Variants in PTPRF observed in about 807,000 individuals in gnomAD.
The protein encoded by PTPRF is protein tyrosine phosphatase receptor type F.
PTPRF carries 59 observed loss-of-function variants against 201.8 expected under a neutral mutation model. The observed-to-expected ratio is 0.29, with a 90% CI of 0.24 to 0.36. The LOEUF is 0.36. Among genes scored for constraint, PTPRF ranks in the 10% least tolerant of loss-of-function variants. The pLI, the probability that PTPRF is intolerant of heterozygous loss-of-function variation, is 1.00. For synonymous variants in PTPRF, 1,088 were observed against 1,089.7 expected (o/e 1.00, Z 0.03); for missense variants, 2,132 against 2,690.5 (o/e 0.79, Z 4.59).
chr1:43,559,713 G>T (rs954331581), intron 5 of PTPRF, among the ~76,000 whole-genome samples: 1 of 147,110 alleles, frequency 6.8e-6, no homozygotes, highest in Non-Finnish European at 1.5e-5. Context: ...GGTGGTGTGC[G>T]GCAGGCTGTG....
chr1:43,544,284 C>T (rs1050955822), intron 2 of PTPRF, among the ~76,000 whole-genome samples: 5 of 152,216 alleles, frequency 3.3e-5, no homozygotes, highest in Admixed American at 3.3e-4. Context: ...CCATTCCTGG[C>T]CACTGAGGCC....
At chr1:43,612,720 CT>C in intron 22 of PTPRF, 1 of 1,343,102 alleles carries the variant, frequency 7.4e-7, no homozygotes, top group South Asian at 1.2e-5. Flanking sequence ...GCTTTCTTTT[CT>C]TGCCCCGTTG....
At chr1:43,609,134 T>C (rs559287495) in intron 21 of PTPRF, among the ~76,000 whole-genome samples, 3 of 152,154 alleles carry the variant, frequency 2.0e-5, no homozygotes, top group Non-Finnish European at 4.4e-5. Flanking sequence ...TGCAACCCCT[T>C]CCTCCCTGCT....
rs776880219 is a variant in PTPRF at position 43,604,232 on chromosome 1, A to G, written c.3037+43A>G. 4 of 1,583,214 alleles carry G rather than the reference A, an allele frequency of 2.5e-6. No homozygotes were observed. The Admixed American group carries it at 6.8e-5, about 27-fold the overall frequency. On this transcript the variant is annotated intron_variant, in intron 16 of 33. Coordinates refer to ENST00000359947, the MANE Select transcript of PTPRF (RefSeq NM_002840.5). ...GGCATCCCTTCCCGAGTGTGGCTGC[A>G]TCTGGGGGTCTCTGCTCTCCTTGAG... is the stretch of plus-strand genomic sequence containing the variant.
intron 5 of PTPRF, among the ~76,000 whole-genome samples, chr1:43,560,517 T>C (rs866857329): frequency 5.9e-4 from 90 of 152,178 alleles, no homozygotes; most frequent in African/African-American, 2.1e-3. Context: ...ACAACCTGTG[T>C]GGGCAGCAGC....
Position 43,619,334 on chromosome 1 carries a change from T to G in PTPRF, c.4693T>G (p.Leu1565Val). 1 of 1,613,788 alleles carries G rather than the reference T, an allele frequency of 6.2e-7. No homozygotes were observed. Among genetic ancestry groups the G allele is most frequent in the Non-Finnish European group, 8.5e-7 (1 of 1,179,988 alleles). The change falls in exon 28 of 34, where the codon TTG becomes GTG. Residue 1565 changes from leucine (L) to valine (V), a missense_variant. By Grantham distance (32) the Leu-to-Val change is conservative. This residue lies in a region of PTPRF where 519 missense variants were observed against 659.5 expected (regional missense o/e 0.79). Coordinates refer to ENST00000359947, the MANE Select transcript of PTPRF (RefSeq NM_002840.5). ...TGCFIVIDAMLERMKHEKTVD... is the reference protein window; with the variant it reads ...TGCFIVIDAMVERMKHEKTVD... The stretch of plus-strand genomic sequence containing the variant: ...CTGCTTCATCGTGATTGATGCCATG[T>G]TGGAGCGGATGAAGCACGAGAAGAC...
intron 9 of PTPRF, 25 bp downstream of exon 9, chr1:43,591,578 C>T (rs1485504381): frequency 1.3e-6 from 2 of 1,529,676 alleles, no homozygotes; most frequent in South Asian, 1.2e-5. Context: ...GCCGGCTGGG[C>T]AGCCAACAGC....
chr1:43,569,744 C>T lies in PTPRF; in HGVS notation c.534C>T (p.Ala178=). Residue 178 remains alanine, a synonymous_variant, in exon 6 of 34, where the codon GCC becomes GCT. Coordinates refer to ENST00000359947, the MANE Select transcript of PTPRF (RefSeq NM_002840.5). ...WFKDFLPVDP[A]TSNGRIKQLR... ...AGGACTTCCTTCCTGTAGACCCTGC[C>T]ACGAGCAACGGCCGCATCAAGCAGC... The T allele has an allele frequency of 6.2e-7, 1 of 1,613,170 alleles. No individual in the cohort carries two copies. The highest frequency in any genetic ancestry group is 8.5e-7 in the Non-Finnish European group (1 of 1,179,396).
intron 2 of PTPRF, 90 bp downstream of exon 2, chr1:43,538,367 T>G (rs1644155215): frequency 2.5e-6 from 1 of 398,040 alleles, no homozygotes; most frequent in Admixed American, 4.4e-5. Flanking sequence ...GCAGGGTCAG[T>G]GGAGAGCTAT....
chr1:43,592,694 G>A, intron 11 of PTPRF, 93 bp downstream of exon 11: 7 of 1,381,466 alleles, frequency 5.1e-6, no homozygotes, highest in Non-Finnish European at 6.6e-6. Context: ...CCAGGCAGGT[G>A]GGGTGGTCAG....
At position 43,604,889 on chromosome 1, in the gene PTPRF, C is replaced by G. The variant is rs775911955; in HGVS notation, c.3038-14C>G. On this transcript the variant is annotated splice_polypyrimidine_tract_variant and intron_variant, in intron 16 of 33. Coordinates refer to ENST00000359947, the MANE Select transcript of PTPRF (RefSeq NM_002840.5). ...ATATACCCAGCAGAGCTGACTCTCTCTATGCCTTTGCAGTGTTTGCCAAGA... is the reference window on the plus strand; with the variant it reads ...ATATACCCAGCAGAGCTGACTCTCTGTATGCCTTTGCAGTGTTTGCCAAGA... 1.2e-6 allele frequency: 2 copies of G among 1,612,276 alleles called. No homozygotes were observed. The highest frequency in any genetic ancestry group is 8.5e-7 in the Non-Finnish European group (1 of 1,178,928).
chr1:43,607,283 T>G lies in PTPRF; in HGVS notation c.3857+315T>G, dbSNP rs540924913. On this transcript the variant is annotated intron_variant, in intron 21 of 33. Coordinates refer to ENST00000359947, the MANE Select transcript of PTPRF (RefSeq NM_002840.5). ...GGATAAGAGTGCGTCTGTCTCCTCTTCAGTTTTAAGACACCGCCATCTCCT... is the reference window on the plus strand; with the variant it reads ...GGATAAGAGTGCGTCTGTCTCCTCTGCAGTTTTAAGACACCGCCATCTCCT... Among the ~76,000 whole-genome samples the G allele has an allele frequency of 1.6e-3, 250 of 152,334 alleles. 1 individual carries two copies. Among genetic ancestry groups the G allele is most frequent in the South Asian group, 7.5e-3 (36 of 4,824 alleles).
rs1385558867 is a variant in PTPRF at position 43,620,493 on chromosome 1, C to T, written c.5278C>T (p.Arg1760Cys). 4.3e-6 allele frequency: 7 copies of T among 1,612,614 alleles called. No individual in the cohort carries two copies. The highest frequency in any genetic ancestry group is 4.0e-5 in the African/African-American group (3 of 74,868). Residue 1760 changes from arginine to cysteine, a missense_variant, in exon 31 of 34, where the codon CGC (arginine) becomes TGC (cysteine). Coordinates refer to ENST00000359947, the MANE Select transcript of PTPRF (RefSeq NM_002840.5). ...GTACTGGCCAGCAGAGCGCTCTGCT[C>T]GCTACCAGTACTTTGTTGTTGACCC... is the stretch of plus-strand genomic sequence containing the variant. The part of the protein sequence containing the change: ...HQYWPAERSA[R>C]YQYFVVDPMA...
At chr1:43,544,264 G>T (rs1036978701) in intron 2 of PTPRF, among the ~76,000 whole-genome samples, 4 of 152,014 alleles carry the variant, frequency 2.6e-5, no homozygotes, top group East Asian at 1.9e-4. Context: ...GAATTCTAGG[G>T]TCTAACACCC....
At chr1:43,560,323 C>T (rs1300660601) in intron 5 of PTPRF, among the ~76,000 whole-genome samples, 1 of 151,970 alleles carries the variant, frequency 6.6e-6, no homozygotes, top group South Asian at 2.1e-4. Flanking sequence ...GTGGTGCATA[C>T]AGCAGGTGGT....
At chr1:43,552,477 C>CA (rs1236564431) in intron 3 of PTPRF, among the ~76,000 whole-genome samples, 2 of 152,328 alleles carry the variant, frequency 1.3e-5, no homozygotes, top group Middle Eastern at 3.4e-3. Flanking sequence ...GGGTGCTTGG[C>CA]AAAGGATTGT....
At chr1:43,541,435 T>C (rs1040275168) in intron 2 of PTPRF, among the ~76,000 whole-genome samples, 4 of 152,148 alleles carry the variant, frequency 2.6e-5, no homozygotes, top group African/African-American at 9.7e-5. Context: ...GCAACGTGAA[T>C]CTTCTGTGAC....
chr1:43,589,878 A>C (rs61147347), intron 8 of PTPRF, among the ~76,000 whole-genome samples: 6,877 of 151,962 alleles, frequency 0.045, 528 homozygotes, highest in African/African-American at 0.16. Flanking sequence ...AAAAAAAAAA[A>C]AACCAGATTC....
At chr1:43,587,331 G>A (rs899759859) in intron 7 of PTPRF, among the ~76,000 whole-genome samples, 2 of 152,222 alleles carry the variant, frequency 1.3e-5, no homozygotes, top group African/African-American at 2.4e-5. Flanking sequence ...AGGGAAGGAT[G>A]ATGATGGCTT....
Sources: allele counts gnomAD v4.1 joint callset (sites outside exome capture counted in the v4.1 genomes callset), GRCh38; gene constraint gnomAD v4.1.1; regional missense constraint gnomAD v4.1.1; transcripts MANE v1.5; gene names NCBI Gene and HGNC (gene_info 2026-07-23, HGNC 2026-07-21).